The following LNX1 variants were observed in gnomAD, a reference collection of about 807,000 sequenced individuals.
LNX1 encodes E3 ubiquitin-protein ligase LNX.
LNX1 carries 54 observed loss-of-function variants against 68.4 expected under a neutral mutation model. The ratio of observed to expected loss-of-function variants is 0.79; its 90% CI spans 0.63 to 0.99. The LOEUF is 0.99. Ranked by LOEUF, LNX1 falls within the 50% of genes least tolerant of loss-of-function variation. LNX1 has a pLI of 0.00. For synonymous variants in LNX1, 336 were observed against 350.0 expected (o/e 0.96, Z 0.45); for missense variants, 906 against 926.4 (o/e 0.98, Z 0.29).
chr4:53,539,391 G>GA (rs1337272461), intron 2 of LNX1: 1 of 151,860 alleles, frequency 6.6e-6, no homozygotes, highest in Non-Finnish European at 1.5e-5. Flanking sequence ...TTTGAGACCT[G>GA]TCTCACTCTG....
intron 1 of LNX1, chr4:53,575,620 G>A (rs764040043): frequency 2.1e-4 from 271 of 1,310,296 alleles, no homozygotes; most frequent in African/African-American, 3.1e-4. Flanking sequence ...GACCAGGCCC[G>A]CTTTTGGCTG....
At chr4:53,593,112 G>C (rs1416050019), upstream of LNX1, 1 of 152,212 alleles carries the variant, frequency 6.6e-6, no homozygotes, top group Admixed American at 6.5e-5. Flanking sequence ...AAGAAAAAAA[G>C]GGAGGTAACA....
rs548672068 is a variant in LNX1 at position 53,584,716 on chromosome 4, A to G, written c.-87+6672T>C. On this transcript the variant is annotated intron_variant, in intron 1 of 10. Coordinates refer to ENST00000263925, the MANE Select transcript of LNX1 (RefSeq NM_001126328.3). Reference sequence around the variant, plus strand: ...TTTATTTAGAAGTCATAGGATTTTGATCGGTTAAGGAACTTAGATTTTCAC... The same window carrying G: ...TTTATTTAGAAGTCATAGGATTTTGGTCGGTTAAGGAACTTAGATTTTCAC... Among the ~76,000 whole-genome samples, 6 of 152,294 alleles carry G rather than the reference A, an allele frequency of 3.9e-5. No individual in the cohort carries two copies. The South Asian group carries it at 1.2e-3, about 32-fold the overall frequency.
rs142201649 is a variant in LNX1, at chr4:53,540,082, T to C, written c.381-31855A>G. On this transcript the variant is annotated intron_variant, in intron 2 of 10. Coordinates refer to ENST00000263925, the MANE Select transcript of LNX1 (RefSeq NM_001126328.3). ...TAAGATGGCATAGCAACTACCCCATTCTTGCTAACAACTCCAAATGACAAC... is the reference window on the plus strand; with the variant it reads ...TAAGATGGCATAGCAACTACCCCATCCTTGCTAACAACTCCAAATGACAAC... 2.8e-4 allele frequency among the ~76,000 whole-genome samples: 43 copies of C among 152,296 alleles called. No homozygotes were observed. In the East Asian group the frequency reaches 7.9e-3, roughly 28 times the overall value.
intron 2 of LNX1, among the ~76,000 whole-genome samples, chr4:53,534,601 C>T (rs1978767): frequency 0.82 from 124,224 of 152,180 alleles, 51,013 homozygotes; most frequent in Admixed American, 0.86. Flanking sequence ...ATGGTCACAC[C>T]ACTGTACTCT....
intron 2 of LNX1, among the ~76,000 whole-genome samples, chr4:53,568,644 G>T (rs1189189741): frequency 6.6e-6 from 1 of 150,546 alleles, no homozygotes; most frequent in Non-Finnish European, 1.5e-5. Context: ...TCAACATAGT[G>T]TTGGAAGTTC....
In LNX1 at chr4:53,460,212, A is replaced by G. The variant is rs1721626499; in HGVS notation, c.*695T>C. The G allele has an allele frequency of 5.1e-6, 1 of 195,666 alleles. No homozygotes were observed. 12.1% of individuals were successfully genotyped at this position (195,666 alleles called of 1,614,324 possible). ...ATTTTCCAAGGCCCACTGGTGGAGC[A>G]GCATGAGTTTTTATACAGTTACTAA... On this transcript the variant is annotated 3_prime_UTR_variant, in exon 11 of 11. Transcript: ENST00000263925.
chr4:53,563,148 G>C (rs1730401914), intron 2 of LNX1, among the ~76,000 whole-genome samples: 1 of 152,178 alleles, frequency 6.6e-6, no homozygotes, highest in African/African-American at 2.4e-5. Context: ...AGAGCTTGCA[G>C]TGAGCTGAGA....
chr4:53,567,791 C>T (rs1382535257), intron 2 of LNX1, among the ~76,000 whole-genome samples: 10 of 151,928 alleles, frequency 6.6e-5, no homozygotes, highest in African/African-American at 2.2e-4. Context: ...CAAATAGATG[C>T]AATAAAAAAT....
chr4:53,499,368 A>G (rs1725314554), intron 4 of LNX1, among the ~76,000 whole-genome samples: 1 of 152,160 alleles, frequency 6.6e-6, no homozygotes, highest in Non-Finnish European at 1.5e-5. Flanking sequence ...CATGTTGTCC[A>G]GGCTGGTCTT....
At chr4:53,572,914 C>G (rs539583792) in intron 2 of LNX1, among the ~76,000 whole-genome samples, 81 of 152,290 alleles carry the variant, frequency 5.3e-4, no homozygotes, top group African/African-American at 1.9e-3. Context: ...TTGAGAACAC[C>G]TCACACCTTC....
chr4:53,524,736 C>T (rs1489701628), intron 2 of LNX1, among the ~76,000 whole-genome samples: 3 of 152,172 alleles, frequency 2.0e-5, no homozygotes, highest in Non-Finnish European at 4.4e-5. Flanking sequence ...CCATTTGGGT[C>T]CTGCACAAAG....
chr4:53,532,033 G>A (rs1181685109), intron 2 of LNX1, among the ~76,000 whole-genome samples: 1 of 152,152 alleles, frequency 6.6e-6, no homozygotes, highest in Admixed American at 6.6e-5. Context: ...CAAGACAAAA[G>A]CTGACACCCC....
chr4:53,624,872 A>G (rs1416919364), intron 1 of LNX1, among the ~76,000 whole-genome samples: 3 of 152,228 alleles, frequency 2.0e-5, no homozygotes, highest in African/African-American at 4.8e-5. Context: ...TTTATTTAAG[A>G]TTCCAGAATT....
At chr4:53,534,354 A>T (rs2109630754) in intron 2 of LNX1, among the ~76,000 whole-genome samples, 1 of 152,218 alleles carries the variant, frequency 6.6e-6, no homozygotes, top group South Asian at 2.1e-4. Flanking sequence ...AGCAGGAATT[A>T]GTGGTGGGGT....
chr4:53,591,323 G>T, intron 1 of LNX1, 65 bp downstream of exon 1: 1 of 916,992 alleles, frequency 1.1e-6, no homozygotes, highest in Non-Finnish European at 1.3e-6. Flanking sequence ...CAAATTCCGT[G>T]TTCAGATCCC....
At chr4:53,561,877 C>T (rs567044938) in intron 2 of LNX1, among the ~76,000 whole-genome samples, 3 of 152,160 alleles carry the variant, frequency 2.0e-5, no homozygotes, top group South Asian at 2.1e-4. Context: ...CATCATGACA[C>T]ACATACACCT....
At chr4:53,582,707 T>C (rs988748866) in intron 1 of LNX1, among the ~76,000 whole-genome samples, 3 of 152,194 alleles carry the variant, frequency 2.0e-5, no homozygotes, top group African/African-American at 7.2e-5. Flanking sequence ...TTAAGATTTT[T>C]TGTTTTTTTG....
chr4:53,524,648 C>A (rs539957148), intron 2 of LNX1, among the ~76,000 whole-genome samples: 2 of 152,286 alleles, frequency 1.3e-5, no homozygotes, highest in East Asian at 3.9e-4. Context: ...GTCTCCAGGG[C>A]TGACTCAATT....
Sources: gnomAD v4.1 joint callset for allele counts (sites outside exome capture counted in the v4.1 genomes callset) on GRCh38, gnomAD v4.1.1 for gene constraint, MANE v1.5 for transcripts, NCBI Gene and HGNC (gene_info 2026-07-23, HGNC 2026-07-21) for gene names.